The following GABRA3 variants were observed in gnomAD, a reference collection of about 807,000 sequenced individuals.
GABRA3 encodes gamma-aminobutyric acid receptor subunit alpha-3.
Under a neutral mutation model 30.1 loss-of-function variants are expected in GABRA3, and 10 were observed. The ratio of observed to expected loss-of-function variants is 0.33; its 90% CI spans 0.20 to 0.56. The LOEUF (loss-of-function observed/expected upper bound fraction) is 0.56, where lower values mean the gene tolerates loss of function less well. Among genes scored for constraint, GABRA3 ranks in the 20% least tolerant of loss-of-function variants. The pLI is 0.89. For missense variants in GABRA3, 233 were observed against 392.0 expected (o/e 0.59, Z 3.42); for synonymous variants, 151 against 146.8 (o/e 1.03, Z -0.21).
chrX:152,327,418 A>G (rs1177690809), intron 3 of GABRA3, among the ~76,000 whole-genome samples: 2 of 111,701 alleles, frequency 1.8e-5, no homozygotes, highest in Non-Finnish European at 3.8e-5. Flanking sequence ...GCACCACATC[A>G]CACTTATTCC....
At chrX:152,337,402 C>T (rs1411780832) in intron 3 of GABRA3, among the ~76,000 whole-genome samples, 2 of 111,812 alleles carry the variant, frequency 1.8e-5, no homozygotes, top group Non-Finnish European at 3.8e-5. Flanking sequence ...CCAATCTACT[C>T]TCTAACTCCA....
chrX:152,259,811 C>T (rs1026984761), intron 4 of GABRA3, among the ~76,000 whole-genome samples: 4 of 110,863 alleles, frequency 3.6e-5, no homozygotes, highest in Admixed American at 9.6e-5. Context: ...ACATTCCCAG[C>T]TGTGATGGCT....
At chrX:152,238,013 G>C (rs1938264182) in intron 5 of GABRA3, among the ~76,000 whole-genome samples, 1 of 109,133 alleles carries the variant, frequency 9.2e-6, no homozygotes, top group African/African-American at 3.4e-5. Flanking sequence ...GCCCTGGCCA[G>C]AACTTCCAAC....
At chrX:152,278,360 T>C (rs1469135368) in intron 4 of GABRA3, among the ~76,000 whole-genome samples, 1 of 107,536 alleles carries the variant, frequency 9.3e-6, no homozygotes, top group Non-Finnish European at 1.9e-5. Flanking sequence ...ACATGTGGTG[T>C]TTGGTTTTTT....
intron 1 of GABRA3, among the ~76,000 whole-genome samples, chrX:152,376,599 G>C (rs1300696580): frequency 9.0e-6 from 1 of 110,731 alleles, no homozygotes; most frequent in Non-Finnish European, 1.9e-5. Flanking sequence ...ACATAATAAA[G>C]TTTCTTCCAC....
At chrX:152,299,863 T>C (rs1039621400) in intron 3 of GABRA3, among the ~76,000 whole-genome samples, 2 of 111,953 alleles carry the variant, frequency 1.8e-5, no homozygotes, top group Non-Finnish European at 3.8e-5. Flanking sequence ...TATTTTCTTT[T>C]ACAGGTTTGC....
At chrX:152,281,443 A>G (rs137940697) in intron 4 of GABRA3, among the ~76,000 whole-genome samples, 37 of 112,094 alleles carry the variant, frequency 3.3e-4, no homozygotes, top group African/African-American at 1.1e-3. Flanking sequence ...CAGCAAGCTC[A>G]ATTTGTTGCA....
At chrX:152,364,882 A>G (rs1251153305) in intron 1 of GABRA3, among the ~76,000 whole-genome samples, 3 of 111,491 alleles carry the variant, frequency 2.7e-5, no homozygotes, top group Non-Finnish European at 5.7e-5. Flanking sequence ...AGTAATCAGG[A>G]GTCTGAGGTT....
At chrX:152,176,065 AAAATAAATAAAT>A (rs61560461) in intron 9 of GABRA3, among the ~76,000 whole-genome samples, 265 of 93,951 alleles carry the variant, frequency 2.8e-3, no homozygotes, top group African/African-American at 3.8e-3. Flanking sequence ...TTCCATCTCA[AAAATAAATAAAT>A]AAATAAATAA....
intron 1 of GABRA3, among the ~76,000 whole-genome samples, chrX:152,397,834 C>T (rs1929700459): frequency 9.0e-6 from 1 of 111,269 alleles, no homozygotes; most frequent in African/African-American, 3.3e-5. Context: ...ATCGAGCTGT[C>T]GGGATTAAAT....
intron 5 of GABRA3, among the ~76,000 whole-genome samples, chrX:152,240,900 A>AT (rs1204656164): frequency 2.3e-5 from 2 of 87,751 alleles, no homozygotes; most frequent in Non-Finnish European, 2.2e-5. Flanking sequence ...ATTCTTCTAA[A>AT]TTTTTTTCAA....
chrX:152,293,817 C>T (rs774748546), intron 3 of GABRA3, among the ~76,000 whole-genome samples: 1 of 111,220 alleles, frequency 9.0e-6, no homozygotes, highest in Non-Finnish European at 1.9e-5. Flanking sequence ...GTAAGGCAGG[C>T]CTGGTGGTGA....
intron 4 of GABRA3, among the ~76,000 whole-genome samples, chrX:152,278,118 T>G (rs1939122453): frequency 8.9e-6 from 1 of 111,774 alleles, no homozygotes; most frequent in Non-Finnish European, 1.9e-5. Flanking sequence ...TGAAATAGTC[T>G]TTTTTTTAAA....
chrX:152,335,176 C>G (rs945136958), intron 3 of GABRA3, among the ~76,000 whole-genome samples: 1 of 111,360 alleles, frequency 9.0e-6, no homozygotes, highest in African/African-American at 3.3e-5. Context: ...CTCAAAAATG[C>G]AAGCTGAGGA....
intron 3 of GABRA3, among the ~76,000 whole-genome samples, chrX:152,296,703 C>CT (rs1255241711): frequency 0.031 from 3,132 of 100,621 alleles, 53 homozygotes; most frequent in Non-Finnish European, 0.049. Flanking sequence ...TTTTCTTTCT[C>CT]TTTTTTTTTT....
At chrX:152,174,546 G>C (rs948085151) in intron 9 of GABRA3, among the ~76,000 whole-genome samples, 2 of 112,252 alleles carry the variant, frequency 1.8e-5, no homozygotes, top group Admixed American at 9.4e-5. Flanking sequence ...GGCCAGTGAT[G>C]ATGAGCATTT....
intron 3 of GABRA3, among the ~76,000 whole-genome samples, chrX:152,330,698 G>A (rs191869293): frequency 8.0e-5 from 8 of 99,467 alleles, no homozygotes; most frequent in South Asian, 5.6e-4. Flanking sequence ...GGGACCTGTC[G>A]TGGGGTGCAG....
intron 1 of GABRA3, among the ~76,000 whole-genome samples, chrX:152,410,717 C>A (rs1930049405): frequency 9.0e-6 from 1 of 110,747 alleles, no homozygotes; most frequent in Non-Finnish European, 1.9e-5. Context: ...AAAATTTAAT[C>A]TCCACAGTGA....
intron 6 of GABRA3, among the ~76,000 whole-genome samples, chrX:152,219,833 A>G (rs1199418074): frequency 9.0e-6 from 1 of 110,685 alleles, no homozygotes; most frequent in Non-Finnish European, 1.9e-5. Flanking sequence ...TGCATAAAGC[A>G]CTATATACTA....
Sources: gnomAD v4.1 joint callset for allele counts (sites outside exome capture counted in the v4.1 genomes callset) on GRCh38, gnomAD v4.1.1 for gene constraint, MANE v1.5 for transcripts, NCBI Gene and HGNC (gene_info 2026-07-23, HGNC 2026-07-21) for gene names.